The following TAPT1 variants were observed in gnomAD, a reference collection of about 807,000 sequenced individuals.
TAPT1 encodes transmembrane anterior posterior transformation 1.
A neutral mutation model predicts 65.6 loss-of-function variants in TAPT1; 28 were observed. The observed-to-expected ratio is 0.43, with a 90% CI of 0.32 to 0.59. TAPT1 has a LOEUF of 0.59. Among genes scored for constraint, TAPT1 ranks in the 20% least tolerant of loss-of-function variants. The probability of loss-of-function intolerance (pLI) is 0.09; values close to 1 mark genes in which losing one functional copy is unlikely to be tolerated. For synonymous variants in TAPT1, 278 were observed against 245.2 expected, an observed-to-expected ratio of 1.13 and a Z score of -1.25; for missense variants, 563 against 679.9, an observed-to-expected ratio of 0.83 and a Z score of 1.91.
rs148201837 is a variant in TAPT1, at chr4:16,164,411, G to C, written c.1475-874C>G. On this transcript the variant is annotated intron_variant, in intron 13 of 13. Transcript: ENST00000405303. ...GCTTGACTTCAACACCCTCCTGCATGTTCTCCAGTCTGTGTTCTCCTGACC... is the reference window on the plus strand; with the variant it reads ...GCTTGACTTCAACACCCTCCTGCATCTTCTCCAGTCTGTGTTCTCCTGACC... Among the ~76,000 whole-genome samples the C allele has an allele frequency of 6.2e-3, 942 of 152,090 alleles. 9 individuals are homozygous for C. The highest frequency in any genetic ancestry group is 0.021 in the African/African-American group (857 of 41,482).
In TAPT1 at chr4:16,226,403, C is replaced by T; in HGVS notation, c.55G>A (p.Asp19Asn). The stretch of plus-strand genomic sequence containing the variant: ...CCGCGGCCGTCCCGCTGCGGGCCGT[C>T]CACGCCGCCACCGCCGCCTTCTCCC... ...APGEGGGGGV[D>N]GPQRDGRGEA... is the part of the protein sequence containing the mutation. Residue 19 changes from aspartate to asparagine, a missense_variant, in exon 1 of 14, where the codon GAC (aspartate) becomes AAC (asparagine). Asp to Asn is a conservative substitution (Grantham distance 23, BLOSUM62 1). Coordinates refer to ENST00000405303, the MANE Select transcript of TAPT1 (RefSeq NM_153365.3). The T allele has an allele frequency of 1.8e-6, 2 of 1,092,596 alleles. No individual in the cohort carries two copies. Among genetic ancestry groups the T allele is most frequent in the African/African-American group, 1.7e-5 (1 of 59,346 alleles). The allele number at this position is 1,092,596 out of a possible 1,614,324, so 67.7% of individuals were successfully genotyped here.
chr4:16,191,254 C>T (rs556712583), intron 4 of TAPT1, 107 bp downstream of exon 4: 1 of 1,186,112 alleles, frequency 8.4e-7, no homozygotes, highest in Admixed American at 2.7e-5. Context: ...CCAGAAGCAC[C>T]ATAACTAGAG....
At position 16,191,367 on chromosome 4, in the gene TAPT1, C is replaced by G; in HGVS notation, c.606G>C (p.Met202Ile). ...SVIKLYIIYNMLEVADRLFSS... is the reference protein window; with the variant it reads ...SVIKLYIIYNILEVADRLFSS... ...GGGTAAGCAAGGCCCTTACCTCCAG[C>G]ATGTTGTAGATGATGTAGAGCTTGA... The change falls in exon 4 of 14, where the codon ATG becomes ATC. Residue 202 changes from methionine to isoleucine, a missense_variant. This residue lies in a region of TAPT1 where 217 missense variants were observed against 317.5 expected (regional missense o/e 0.68). Transcript: ENST00000405303. 6.2e-7 allele frequency: 1 copy of G among 1,600,052 alleles called. No homozygotes were observed. Among genetic ancestry groups the G allele is most frequent in the South Asian group, 1.1e-5 (1 of 87,948 alleles).
intron 8 of TAPT1, 66 bp from the exon 9 acceptor site, chr4:16,176,294 C>T (rs1748319811): frequency 1.3e-6 from 1 of 760,488 alleles, no homozygotes; most frequent in South Asian, 1.9e-5. Context: ...TCACAGGCTA[C>T]CAGAGAAATA....
chr4:16,220,999 G>T (rs1253432818), intron 1 of TAPT1, among the ~76,000 whole-genome samples: 1 of 152,006 alleles, frequency 6.6e-6, no homozygotes. Flanking sequence ...CTCTCCAAGT[G>T]CTACGATTAT....
At position 16,174,650 on chromosome 4, in the gene TAPT1, C is replaced by T. The variant is rs376707654; in HGVS notation, c.1167+20G>A. The T allele has an allele frequency of 2.4e-5, 37 of 1,573,176 alleles. No homozygotes were observed. Among genetic ancestry groups the T allele is most frequent in the Middle Eastern group, 1.7e-4 (1 of 6,006 alleles). The stretch of plus-strand genomic sequence containing the variant: ...CTATGCCTTTGTTAATTTCAGACTA[C>T]GCCCTTGATAAATGCTCACATTTTT... On this transcript the variant is annotated intron_variant, in intron 10 of 13. Coordinates refer to ENST00000405303, the MANE Select transcript of TAPT1 (RefSeq NM_153365.3).
At chr4:16,218,366 T>C (rs1032227443) in intron 1 of TAPT1, among the ~76,000 whole-genome samples, 3 of 152,262 alleles carry the variant, frequency 2.0e-5, no homozygotes, top group Non-Finnish European at 4.4e-5. Context: ...GATCGTGTAC[T>C]GTACTCCAGC....
upstream of TAPT1, chr4:16,227,293 A>G: frequency 2.2e-6 from 1 of 455,742 alleles, no homozygotes. Flanking sequence ...GCCCTTGGCC[A>G]CCACTGTGTC....
chr4:16,166,690 T>C lies in TAPT1; in HGVS notation c.1417A>G (p.Thr473Ala), dbSNP rs2149664548. 6.2e-7 allele frequency: 1 copy of C among 1,613,984 alleles called. No homozygotes were observed. Among genetic ancestry groups the C allele is most frequent in the Non-Finnish European group, 8.5e-7 (1 of 1,179,888 alleles). ...MEEKLSNPPA[T>A]CTPGKPSSKS... is the part of the protein sequence containing the mutation. ...CTGGACGGCTTGCCTGGAGTGCAGG[T>C]TGCGGGAGGATTCGACAGCTTCTCT... Residue 473 changes from threonine (T) to alanine (A), a missense_variant, in exon 13 of 14, where the codon ACC (threonine) becomes GCC (alanine). By Grantham distance (58) the Thr-to-Ala change is moderately conservative. Around this residue, in one of 5 missense-constraint regions of TAPT1, gnomAD observed 136 missense variants for 153.9 expected, o/e 0.88. Transcript: ENST00000405303.
chr4:16,166,525 A>G, intron 13 of TAPT1, 108 bp downstream of exon 13: 2 of 1,391,946 alleles, frequency 1.4e-6, no homozygotes, highest in South Asian at 1.3e-5. Flanking sequence ...AGACCCAAAA[A>G]TCTATGCAAA....
chr4:16,173,541 C>T (rs967638398), intron 11 of TAPT1, among the ~76,000 whole-genome samples: 63 of 150,814 alleles, frequency 4.2e-4, no homozygotes, highest in African/African-American at 1.4e-3. Flanking sequence ...GCCTCAGCCT[C>T]CCGAGTAAAA....
intron 1 of TAPT1, among the ~76,000 whole-genome samples, chr4:16,220,095 C>T (rs114051520): frequency 0.018 from 2,742 of 152,264 alleles, 102 homozygotes; most frequent in African/African-American, 0.063. Flanking sequence ...GGTATACCTG[C>T]GTTTCAGTGT....
intron 1 of TAPT1, among the ~76,000 whole-genome samples, chr4:16,222,605 C>G (rs2108902330): frequency 6.6e-6 from 1 of 152,256 alleles, no homozygotes; most frequent in Admixed American, 6.5e-5. Flanking sequence ...TAAGAAGAAA[C>G]TGACAAATTT....
At chr4:16,163,563 T>C (rs755337521) in intron 13 of TAPT1, 26 bp from the exon 14 acceptor site, 44 of 1,542,460 alleles carry the variant, frequency 2.9e-5, no homozygotes, top group Non-Finnish European at 3.6e-5. Flanking sequence ...TCCATTAAAT[T>C]AGAGAAAGAC....
intron 3 of TAPT1, chr4:16,196,694 A>G: frequency 7.8e-7 from 1 of 1,288,890 alleles, no homozygotes; most frequent in Non-Finnish European, 1.0e-6. Context: ...TCCATTCTAT[A>G]AAGGAAGTGA....
At chr4:16,168,129 T>A (rs184926157) in intron 12 of TAPT1, among the ~76,000 whole-genome samples, 81 of 152,034 alleles carry the variant, frequency 5.3e-4, no homozygotes, top group South Asian at 1.5e-3. Flanking sequence ...TCTTTTTTTT[T>A]TTAAGAAGCA....
At chr4:16,227,007 G>T (rs372448514), upstream of TAPT1, 6 of 449,798 alleles carry the variant, frequency 1.3e-5, no homozygotes, top group Non-Finnish European at 2.7e-5. Flanking sequence ...GGCGGCGGGG[G>T]CCCGGCTCCA....
At chr4:16,227,144 T>G (rs1751638139), upstream of TAPT1, 1 of 455,876 alleles carries the variant, frequency 2.2e-6, no homozygotes, top group Non-Finnish European at 4.4e-6. Flanking sequence ...CCAAAGCATT[T>G]GGGCAAGAAG....
At chr4:16,184,584 G>A (rs1036623046) in intron 7 of TAPT1, among the ~76,000 whole-genome samples, 2 of 152,134 alleles carry the variant, frequency 1.3e-5, no homozygotes. Context: ...TTACACTCAC[G>A]CCATCGATGC....
Sources: allele counts gnomAD v4.1 joint callset (sites outside exome capture counted in the v4.1 genomes callset), GRCh38; gene constraint gnomAD v4.1.1; regional missense constraint gnomAD v4.1.1; transcripts MANE v1.5; gene names NCBI Gene and HGNC (gene_info 2026-07-23, HGNC 2026-07-21).